The following GRAP2 variants were observed in gnomAD, a reference collection of about 807,000 sequenced individuals.
The protein encoded by GRAP2 is GRB2-related adapter protein 2.
In GRAP2, 31 loss-of-function variants were observed where a neutral mutation model predicts 43.5. That is an observed-to-expected ratio of 0.71 (90% CI 0.54 to 0.96). GRAP2 has a LOEUF of 0.96. Among genes scored for constraint, GRAP2 ranks in the 40% least tolerant of loss-of-function variants. GRAP2 has a pLI of 0.00. For synonymous variants in GRAP2, 156 were observed against 164.8 expected, an observed-to-expected ratio of 0.95 and a Z score of 0.41; for missense variants, 371 against 424.4, an observed-to-expected ratio of 0.87 and a Z score of 1.11.
At chr22:39,906,117 G>A (rs1333273605) in intron 1 of GRAP2, among the ~76,000 whole-genome samples, 1 of 152,086 alleles carries the variant, frequency 6.6e-6, no homozygotes, top group Non-Finnish European at 1.5e-5. Context: ...CAATACAAGC[G>A]GGGAGTTATG....
intron 1 of GRAP2, among the ~76,000 whole-genome samples, chr22:39,911,699 T>A (rs2066568265): frequency 1.3e-5 from 2 of 152,186 alleles, no homozygotes; most frequent in Admixed American, 6.5e-5. Context: ...CATTGTGATG[T>A]TGCTCTTGTG....
At chr22:39,949,130 C>T (rs985444263) in intron 2 of GRAP2, among the ~76,000 whole-genome samples, 5 of 152,046 alleles carry the variant, frequency 3.3e-5, no homozygotes, top group Admixed American at 6.5e-5. Context: ...CTCAGGATGC[C>T]GAGAATCACT....
At chr22:39,970,480 C>A (rs758347313) in intron 7 of GRAP2, among the ~76,000 whole-genome samples, 11 of 152,176 alleles carry the variant, frequency 7.2e-5, no homozygotes, top group Non-Finnish European at 1.2e-4. Context: ...AAAATACCAC[C>A]TATTGATGTG....
chr22:39,943,907 A>T (rs1195096879), intron 1 of GRAP2, among the ~76,000 whole-genome samples: 1 of 151,880 alleles, frequency 6.6e-6, no homozygotes, highest in South Asian at 2.1e-4. Flanking sequence ...TTTAGTAGAG[A>T]TGGGGTTTTC....
chr22:39,921,846 C>T (rs1601698479), intron 1 of GRAP2, among the ~76,000 whole-genome samples: 1 of 152,216 alleles, frequency 6.6e-6, no homozygotes, highest in Non-Finnish European at 1.5e-5. Context: ...CACTCTTTTG[C>T]CCAGGCTAGA....
intron 2 of GRAP2, among the ~76,000 whole-genome samples, chr22:39,954,556 G>A (rs1388797924): frequency 2.6e-5 from 4 of 152,024 alleles, no homozygotes; most frequent in Admixed American, 6.6e-5. Context: ...CACCAGGCCC[G>A]GCTCCTTTTT....
At chr22:39,954,951 A>G (rs867649217) in intron 2 of GRAP2, among the ~76,000 whole-genome samples, 2 of 152,258 alleles carry the variant, frequency 1.3e-5, no homozygotes, top group African/African-American at 2.4e-5. Context: ...GTTCCAGCCA[A>G]ATATCTGTGA....
At chr22:39,921,978 A>G (rs1302144867) in intron 1 of GRAP2, among the ~76,000 whole-genome samples, 1 of 152,188 alleles carries the variant, frequency 6.6e-6, no homozygotes, top group African/African-American at 2.4e-5. Flanking sequence ...TCATATTGTC[A>G]GTTGGTTTCA....
chr22:39,969,428 C>T lies in GRAP2; in HGVS notation c.708C>T (p.Ser236=). 1 of 1,613,858 alleles carries T rather than the reference C, an allele frequency of 6.2e-7. No individual in the cohort carries two copies. The highest frequency in any genetic ancestry group is 8.5e-7 in the Non-Finnish European group (1 of 1,179,866). ...GTTTCTAGGAACGCCGAGGAGGCAG[C>T]CTTGACATAAATGATGGGCATTGTG... The part of the protein sequence containing the change: ...HHFHQERRGG[S]LDINDGHCGT... Residue 236 remains serine (S), a synonymous_variant, in exon 7 of 8, where the codon AGC becomes AGT. Coordinates refer to ENST00000344138, the MANE Select transcript of GRAP2 (RefSeq NM_004810.4).
intron 1 of GRAP2, among the ~76,000 whole-genome samples, chr22:39,902,745 C>T (rs1157213442): frequency 6.6e-6 from 1 of 152,174 alleles, no homozygotes; most frequent in African/African-American, 2.4e-5. Context: ...TTGAATATCT[C>T]CCACATCTTA....
At chr22:39,929,278 AAGAG>A (rs1203692230) in intron 1 of GRAP2, among the ~76,000 whole-genome samples, 2 of 151,734 alleles carry the variant, frequency 1.3e-5, no homozygotes, top group Admixed American at 1.3e-4. Flanking sequence ...GAAAGAGAGA[AAGAG>A]AGAGAGAGAG....
At chr22:39,952,108 C>T (rs1057364187) in intron 2 of GRAP2, among the ~76,000 whole-genome samples, 1 of 150,558 alleles carries the variant, frequency 6.6e-6, no homozygotes, top group Non-Finnish European at 1.5e-5. Context: ...CTCACTGCAA[C>T]CTCCGCCTCC....
chr22:39,933,136 T>C (rs2066773119), intron 1 of GRAP2, among the ~76,000 whole-genome samples: 1 of 136,846 alleles, frequency 7.3e-6, no homozygotes, highest in African/African-American at 3.2e-5. Context: ...CCCGGTGCCT[T>C]TGTTTAAGTA....
At chr22:39,933,329 G>A (rs187820474) in intron 1 of GRAP2, among the ~76,000 whole-genome samples, 3 of 152,378 alleles carry the variant, frequency 2.0e-5, no homozygotes, top group African/African-American at 4.8e-5. Context: ...CCAGTGCAGA[G>A]ACAAGGATGT....
At chr22:39,955,616 G>T (rs966179495) in intron 2 of GRAP2, among the ~76,000 whole-genome samples, 7 of 152,146 alleles carry the variant, frequency 4.6e-5, no homozygotes, top group Non-Finnish European at 8.8e-5. Context: ...ATAACCTGGG[G>T]TCAGGAGAAG....
chr22:39,930,218 A>G (rs1882483966), intron 1 of GRAP2, among the ~76,000 whole-genome samples: 1 of 152,210 alleles, frequency 6.6e-6, no homozygotes, highest in Admixed American at 6.5e-5. Flanking sequence ...TCTATTGGAT[A>G]ACACCATTCT....
chr22:39,928,921 T>G (rs1275602676), intron 1 of GRAP2, among the ~76,000 whole-genome samples: 1 of 152,202 alleles, frequency 6.6e-6, no homozygotes, highest in East Asian at 1.9e-4. Flanking sequence ...GTGCAAATTA[T>G]ATATGGTCAT....
intron 4 of GRAP2, 146 bp downstream of exon 4, chr22:39,960,320 C>G: frequency 1.4e-6 from 1 of 707,162 alleles, no homozygotes; most frequent in South Asian, 1.7e-5. Flanking sequence ...GCTTCACAAC[C>G]TGCTGCTCCC....
intron 1 of GRAP2, among the ~76,000 whole-genome samples, chr22:39,914,652 A>G (rs571248046): frequency 6.6e-6 from 1 of 152,330 alleles, no homozygotes; most frequent in African/African-American, 2.4e-5. Context: ...GATGCATCCA[A>G]CATCAGTGAG....
Sources: gnomAD v4.1 joint callset for allele counts (sites outside exome capture counted in the v4.1 genomes callset) on GRCh38, gnomAD v4.1.1 for gene constraint, MANE v1.5 for transcripts, NCBI Gene and HGNC (gene_info 2026-07-23, HGNC 2026-07-21) for gene names.